DPP10: variants seen among roughly 807,000 people sequenced by gnomAD.
DPP10 encodes the protein inactive dipeptidyl peptidase 10.
DPP10 carries 33 observed loss-of-function variants against 120.9 expected under a neutral mutation model. That is an observed-to-expected ratio of 0.27 (90% CI 0.21 to 0.37). DPP10 has a LOEUF of 0.37. DPP10 is among the 10% of genes least tolerant of loss of function. The pLI, the probability that DPP10 is intolerant of heterozygous loss-of-function variation, is 1.00. For synonymous variants in DPP10, 337 were observed against 326.1 expected (o/e 1.03, Z -0.36); for missense variants, 816 against 942.8 (o/e 0.87, Z 1.76).
chr2:115,511,465 T>G (rs1163386352), intron 4 of DPP10, among the ~76,000 whole-genome samples: 7 of 151,978 alleles, frequency 4.6e-5, no homozygotes, highest in African/African-American at 1.7e-4. Flanking sequence ...TTTTTTCTCA[T>G]CCATCTATCT....
chr2:115,049,711 A>G (rs1705324728), intron 1 of DPP10, among the ~76,000 whole-genome samples: 2 of 152,210 alleles, frequency 1.3e-5, no homozygotes, highest in Non-Finnish European at 2.9e-5. Flanking sequence ...TCATGATGGC[A>G]TGTGTGAAGA....
intron 1 of DPP10, among the ~76,000 whole-genome samples, chr2:114,513,302 C>A (rs1286254150): frequency 6.6e-6 from 1 of 152,020 alleles, no homozygotes; most frequent in Non-Finnish European, 1.5e-5. Flanking sequence ...GCAGGTGGAT[C>A]ATGAGGTCAG....
chr2:114,791,414 A>G (rs1683232738), intron 1 of DPP10, among the ~76,000 whole-genome samples: 1 of 152,194 alleles, frequency 6.6e-6, no homozygotes, highest in Non-Finnish European at 1.5e-5. Context: ...TGCTTTGATT[A>G]ATTTCTAGAA....
At chr2:115,504,381 T>A (rs1332828479) in intron 4 of DPP10, among the ~76,000 whole-genome samples, 1 of 151,728 alleles carries the variant, frequency 6.6e-6, no homozygotes, top group Non-Finnish European at 1.5e-5. Flanking sequence ...CTTTCATTGG[T>A]GCATTGTGCT....
intron 3 of DPP10, among the ~76,000 whole-genome samples, chr2:115,431,202 A>G (rs1574825289): frequency 6.6e-6 from 1 of 152,210 alleles, no homozygotes; most frequent in African/African-American, 2.4e-5. Flanking sequence ...CCAGAGATCT[A>G]AAGATTGAAA....
intron 4 of DPP10, among the ~76,000 whole-genome samples, chr2:115,504,596 A>T (rs1448880445): frequency 6.6e-6 from 1 of 152,098 alleles, no homozygotes; most frequent in Admixed American, 6.6e-5. Flanking sequence ...AATATTTGGA[A>T]TATTTCCAAT....
chr2:114,766,666 A>C (rs1162725757), intron 1 of DPP10, among the ~76,000 whole-genome samples: 2 of 152,222 alleles, frequency 1.3e-5, no homozygotes, highest in Non-Finnish European at 2.9e-5. Flanking sequence ...TTAGTGAAAA[A>C]GTCAAATTTC....
intron 2 of DPP10, among the ~76,000 whole-genome samples, chr2:115,331,184 A>G (rs1056632710): frequency 1.3e-5 from 2 of 152,114 alleles, no homozygotes; most frequent in African/African-American, 4.8e-5. Flanking sequence ...TTCTCTTTGA[A>G]GCAATTGTGA....
chr2:114,794,822 T>C (rs1683559547), intron 1 of DPP10, among the ~76,000 whole-genome samples: 1 of 152,184 alleles, frequency 6.6e-6, no homozygotes, highest in Admixed American at 6.5e-5. Flanking sequence ...AAAAATACAG[T>C]TTTACATTAT....
chr2:115,522,464 A>C (rs775087184), intron 4 of DPP10, among the ~76,000 whole-genome samples: 1 of 152,178 alleles, frequency 6.6e-6, no homozygotes, highest in African/African-American at 2.4e-5. Flanking sequence ...GATTCGCTTG[A>C]ATGGAATGAT....
chr2:114,759,102 C>T (rs1297953252), intron 1 of DPP10, among the ~76,000 whole-genome samples: 1 of 152,152 alleles, frequency 6.6e-6, no homozygotes, highest in Non-Finnish European at 1.5e-5. Flanking sequence ...AGACCACTTT[C>T]CAAGTATTCC....
chr2:114,679,532 G>GA (rs951132438), intron 1 of DPP10, among the ~76,000 whole-genome samples: 7 of 151,514 alleles, frequency 4.6e-5, no homozygotes, highest in Admixed American at 1.3e-4. Flanking sequence ...TAAGAAAGTA[G>GA]AAAAAAAATC....
intron 1 of DPP10, among the ~76,000 whole-genome samples, chr2:115,163,379 G>A (rs931702408): frequency 3.9e-5 from 6 of 152,178 alleles, no homozygotes; most frequent in African/African-American, 1.4e-4. Flanking sequence ...CACACAGGTG[G>A]TGGGGATTAC....
intron 5 of DPP10, among the ~76,000 whole-genome samples, chr2:115,608,859 A>T (rs1427386497): frequency 6.6e-6 from 1 of 152,160 alleles, no homozygotes; most frequent in Non-Finnish European, 1.5e-5. Flanking sequence ...TAGAATCCAT[A>T]TAAATTATGT....
chr2:114,462,208 G>T (rs1263325255), intron 1 of DPP10: 1 of 968,216 alleles, frequency 1.0e-6, no homozygotes, highest in Non-Finnish European at 1.2e-6. Flanking sequence ...GACAAGTTGC[G>T]AAGATTTTAC....
intron 5 of DPP10, among the ~76,000 whole-genome samples, chr2:115,647,979 A>G (rs2087418624): frequency 6.6e-6 from 1 of 152,182 alleles, no homozygotes; most frequent in Admixed American, 6.6e-5. Flanking sequence ...TGACTAATGC[A>G]GTAAAGATTC....
At chr2:115,782,520 A>G (rs1308043719) in intron 17 of DPP10, 121 bp downstream of exon 17, 2 of 886,906 alleles carry the variant, frequency 2.3e-6, no homozygotes, top group East Asian at 5.0e-5. Context: ...ACCATGAGGA[A>G]AGCTGCGTGT....
rs142955570 is a variant in DPP10, at chr2:115,264,899, A to T, written c.61-44340A>T. On this transcript the variant is annotated intron_variant, in intron 1 of 25. Coordinates refer to ENST00000410059, the MANE Select transcript of DPP10 (RefSeq NM_020868.6). ...ATAGTACATGAAAGGAAATAGTCAT[A>T]AGAAAATCATGAATTTAGAAAAACA... is the stretch of plus-strand genomic sequence containing the variant. 4.0e-3 allele frequency among the ~76,000 whole-genome samples: 614 copies of T among 152,326 alleles called. 9 individuals are homozygous for T. The highest frequency in any genetic ancestry group is 0.01 in the Middle Eastern group (3 of 294).
intron 3 of DPP10, among the ~76,000 whole-genome samples, chr2:115,344,975 A>G (rs944991003): frequency 6.6e-6 from 1 of 152,140 alleles, no homozygotes; most frequent in Non-Finnish European, 1.5e-5. Context: ...TTAAACTTTA[A>G]TTTATGGAAG....
Sources: allele counts gnomAD v4.1 joint callset (sites outside exome capture counted in the v4.1 genomes callset), GRCh38; gene constraint gnomAD v4.1.1; transcripts MANE v1.5; gene names NCBI Gene and HGNC (gene_info 2026-07-23, HGNC 2026-07-21).